SH3RF3: variants seen among roughly 807,000 people sequenced by gnomAD.
SH3RF3 encodes SH3 domain containing ring finger 3.
A neutral mutation model predicts 66.3 loss-of-function variants in SH3RF3; 29 were observed. The ratio of observed to expected loss-of-function variants is 0.44; its 90% confidence interval spans 0.33 to 0.60. The LOEUF is 0.60. Ranked by LOEUF, SH3RF3 falls within the 20% of genes least tolerant of loss-of-function variation. The pLI is 0.04. For missense variants in SH3RF3, 1,194 were observed against 1,190.9 expected (o/e 1.00, Z -0.04); for synonymous variants, 583 against 532.0 (o/e 1.10, Z -1.32).
At chr2:109,205,051 A>G (rs150923078) in intron 1 of SH3RF3, among the ~76,000 whole-genome samples, 1 of 152,068 alleles carries the variant, frequency 6.6e-6, no homozygotes, top group African/African-American at 2.4e-5. Flanking sequence ...CTACAAAACT[A>G]AAAATATTAA....
chr2:109,492,284 G>T (rs1453947520), intron 9 of SH3RF3, among the ~76,000 whole-genome samples: 6 of 152,176 alleles, frequency 3.9e-5, no homozygotes, highest in Non-Finnish European at 1.5e-5. Flanking sequence ...CAAATTAGCC[G>T]CAGGCGCAGT....
intron 5 of SH3RF3, among the ~76,000 whole-genome samples, chr2:109,422,698 C>G (rs949707749): frequency 6.6e-6 from 1 of 152,184 alleles, no homozygotes; most frequent in African/African-American, 2.4e-5. Flanking sequence ...AGAGGCCATG[C>G]TCCTGGGCAC....
At chr2:109,486,900 G>C (rs778115714) in intron 8 of SH3RF3, among the ~76,000 whole-genome samples, 1 of 152,202 alleles carries the variant, frequency 6.6e-6, no homozygotes, top group East Asian at 1.9e-4. Context: ...CAGAGCAAAC[G>C]AGACGTTTTG....
intron 1 of SH3RF3, among the ~76,000 whole-genome samples, chr2:109,320,449 A>G (rs1176210246): frequency 6.6e-6 from 1 of 152,186 alleles, no homozygotes; most frequent in Non-Finnish European, 1.5e-5. Context: ...CATCCTCGGC[A>G]GTGAGCCACA....
chr2:109,482,118 G>A (rs950250370), intron 8 of SH3RF3, among the ~76,000 whole-genome samples: 2 of 152,082 alleles, frequency 1.3e-5, no homozygotes, highest in Admixed American at 6.5e-5. Flanking sequence ...GTTCGAATGC[G>A]GCTTGTGCAG....
chr2:109,195,986 A>C (rs903872434), intron 1 of SH3RF3, among the ~76,000 whole-genome samples: 2 of 152,232 alleles, frequency 1.3e-5, no homozygotes. Flanking sequence ...AGACACCACC[A>C]GAAACTCCCA....
chr2:109,474,500 C>T (rs1175189533), intron 8 of SH3RF3, among the ~76,000 whole-genome samples: 1 of 152,174 alleles, frequency 6.6e-6, no homozygotes, highest in African/African-American at 2.4e-5. Flanking sequence ...GGACAGGCGG[C>T]AGCAGTGGGA....
At chr2:109,183,707 T>C (rs1678121439) in intron 1 of SH3RF3, among the ~76,000 whole-genome samples, 1 of 152,266 alleles carries the variant, frequency 6.6e-6, no homozygotes, top group African/African-American at 2.4e-5. Flanking sequence ...CTGATGAGTC[T>C]CTCAGCACTT....
At chr2:109,497,723 C>T (rs758543838) in intron 9 of SH3RF3, among the ~76,000 whole-genome samples, 2 of 152,208 alleles carry the variant, frequency 1.3e-5, no homozygotes, top group African/African-American at 2.4e-5. Flanking sequence ...ACACTTGTCT[C>T]GTATAAATTC....
At chr2:109,159,074 A>G (rs766023846) in intron 1 of SH3RF3, among the ~76,000 whole-genome samples, 9 of 152,314 alleles carry the variant, frequency 5.9e-5, no homozygotes, top group Middle Eastern at 3.4e-3. Context: ...CCCAGATCGC[A>G]CCACTGCACT....
chr2:109,261,750 C>T (rs1299582167), intron 1 of SH3RF3, among the ~76,000 whole-genome samples: 1 of 152,156 alleles, frequency 6.6e-6, no homozygotes, highest in African/African-American at 2.4e-5. Context: ...AATCGGCAGG[C>T]ATTTCAAGCC....
chr2:109,404,031 G>A (rs1292403727), intron 4 of SH3RF3, among the ~76,000 whole-genome samples: 4 of 152,194 alleles, frequency 2.6e-5, no homozygotes, highest in Non-Finnish European at 5.9e-5. Context: ...CCAGGCACCA[G>A]ACACATCATC....
At chr2:109,348,015 C>T in intron 2 of SH3RF3, 66 bp downstream of exon 2, 3 of 1,523,038 alleles carry the variant, frequency 2.0e-6, no homozygotes, top group South Asian at 2.5e-5. Flanking sequence ...GGGCTCTTCC[C>T]AGCCACAGAC....
intron 8 of SH3RF3, among the ~76,000 whole-genome samples, chr2:109,470,079 C>T (rs1678462969): frequency 6.6e-6 from 1 of 152,192 alleles, no homozygotes; most frequent in African/African-American, 2.4e-5. Flanking sequence ...GGTGGGCAAC[C>T]ACAGAGCTGT....
intron 5 of SH3RF3, among the ~76,000 whole-genome samples, chr2:109,426,018 C>G (rs988563614): frequency 6.6e-6 from 1 of 152,200 alleles, no homozygotes. Flanking sequence ...CTGCCTCAGC[C>G]TTCCCGGTAG....
At chr2:109,315,752 T>C (rs146255810) in intron 1 of SH3RF3, among the ~76,000 whole-genome samples, 181 of 152,334 alleles carry the variant, frequency 1.2e-3, no homozygotes, top group African/African-American at 4.1e-3. Context: ...CTGGCTATTG[T>C]GACATTTAGA....
intron 1 of SH3RF3, among the ~76,000 whole-genome samples, chr2:109,231,441 G>A (rs984228759): frequency 6.6e-6 from 1 of 152,178 alleles, no homozygotes; most frequent in Non-Finnish European, 1.5e-5. Context: ...TGCTTTTCTC[G>A]TGCAGACCAA....
chr2:109,412,764 A>T (rs1290154076), intron 4 of SH3RF3, among the ~76,000 whole-genome samples: 1 of 152,096 alleles, frequency 6.6e-6, no homozygotes, highest in African/African-American at 2.4e-5. Context: ...AGTGTAGATT[A>T]AAAAATAATA....
At chr2:109,146,427 T>A (rs1677099504) in intron 1 of SH3RF3, among the ~76,000 whole-genome samples, 1 of 152,226 alleles carries the variant, frequency 6.6e-6, no homozygotes, top group Non-Finnish European at 1.5e-5. Context: ...CTGTGGAGTC[T>A]TCTTGCATCA....
Sources: gnomAD v4.1 joint callset for allele counts (sites outside exome capture counted in the v4.1 genomes callset) on GRCh38, gnomAD v4.1.1 for gene constraint, MANE v1.5 for transcripts, NCBI Gene and HGNC (gene_info 2026-07-23, HGNC 2026-07-21) for gene names.